Variants in SLC5A7 observed in about 807,000 individuals in gnomAD.
SLC5A7 encodes solute carrier family 5 member 7.
SLC5A7 carries 19 observed loss-of-function variants against 55.4 expected under a neutral mutation model. The observed-to-expected ratio is 0.34, with a 90% CI of 0.24 to 0.50. The LOEUF (loss-of-function observed/expected upper bound fraction) is 0.50, where lower values mean the gene tolerates loss of function less well. Among genes scored for constraint, SLC5A7 ranks in the 20% least tolerant of loss-of-function variants. The pLI is 0.98. For synonymous variants in SLC5A7, 265 were observed against 263.7 expected, an observed-to-expected ratio of 1.00 and a Z score of -0.05; for missense variants, 506 against 705.3, an observed-to-expected ratio of 0.72 and a Z score of 3.20.
intron 6 of SLC5A7, among the ~76,000 whole-genome samples, chr2:108,004,934 A>G (rs1678046224): frequency 6.6e-6 from 1 of 152,206 alleles, no homozygotes; most frequent in Non-Finnish European, 1.5e-5. Flanking sequence ...TTTAATTCCC[A>G]TACAGACCTC....
chr2:108,008,444 G>C, intron 7 of SLC5A7, 21 bp from the exon 8 acceptor site: 1 of 1,597,042 alleles, frequency 6.3e-7, no homozygotes, highest in Non-Finnish European at 8.6e-7. Context: ...GGTTATAATG[G>C]TTGTTGATTC....
chr2:107,998,138 T>C (rs1234405307), intron 5 of SLC5A7, 152 bp downstream of exon 5: 4 of 800,042 alleles, frequency 5.0e-6, no homozygotes, highest in Non-Finnish European at 7.2e-6. Flanking sequence ...TCTCCATAAA[T>C]TAATTAGATG....
chr2:108,007,131 T>G (rs1468381345), intron 7 of SLC5A7, among the ~76,000 whole-genome samples: 14 of 152,190 alleles, frequency 9.2e-5, no homozygotes, highest in Admixed American at 7.2e-4. Context: ...GAGCACTTAA[T>G]GAAAATACAT....
chr2:108,006,302 T>C (rs1177912683), intron 7 of SLC5A7, 100 bp downstream of exon 7: 9 of 1,330,320 alleles, frequency 6.8e-6, no homozygotes, highest in Non-Finnish European at 9.5e-6. Context: ...CATAGTGAAT[T>C]CTTTCTCACC....
chr2:107,988,035 G>A, intron 1 of SLC5A7, 70 bp from the exon 2 acceptor site: 1 of 993,744 alleles, frequency 1.0e-6, no homozygotes, highest in Non-Finnish European at 1.5e-6. Context: ...GAGCCAGCTG[G>A]TTTATTCCTG....
At position 108,011,205 on chromosome 2, in the gene SLC5A7, G is replaced by A. The variant is rs1251690269; in HGVS notation, c.*344G>A. The A allele has an allele frequency of 5.7e-6, 1 of 174,564 alleles. No homozygotes were observed. Among genetic ancestry groups the A allele is most frequent in the African/African-American group, 2.4e-5 (1 of 42,276 alleles). The allele number at this position is 174,564 out of a possible 1,614,324, so 10.8% of individuals were successfully genotyped here. A position where few individuals can be genotyped will look rare whatever the true frequency, so the allele number is the denominator to read the frequency against. On this transcript the variant is annotated 3_prime_UTR_variant, in exon 9 of 9. Coordinates refer to ENST00000264047, the MANE Select transcript of SLC5A7 (RefSeq NM_021815.5). ...AGATGTGAAAAAGCCTAAGAAAAAGGAAATTGGACAGTTTTGATACAAACT... is the reference window on the plus strand; with the variant it reads ...AGATGTGAAAAAGCCTAAGAAAAAGAAAATTGGACAGTTTTGATACAAACT...
chr2:107,988,167 T>C lies in SLC5A7; in HGVS notation c.12T>C (p.His4=). MAF[H]VEGLIAIIVF... ...ATCATTAGATAAAAATGGCTTTCCATGTGGAAGGACTGATAGCTATCATCG... is the reference window on the plus strand; with the variant it reads ...ATCATTAGATAAAAATGGCTTTCCACGTGGAAGGACTGATAGCTATCATCG... Residue 4 remains histidine, a synonymous_variant, in exon 2 of 9, where the codon CAT becomes CAC. Coordinates refer to ENST00000264047, the MANE Select transcript of SLC5A7 (RefSeq NM_021815.5). 1 of 1,612,146 alleles carries C rather than the reference T, an allele frequency of 6.2e-7. No homozygotes were observed. The highest frequency in any genetic ancestry group is 1.7e-4 in the Middle Eastern group (1 of 6,054).
In SLC5A7 at chr2:108,006,057, T is replaced by C; in HGVS notation, c.750T>C (p.Gly250=). 1 of 1,614,090 alleles carries C rather than the reference T, an allele frequency of 6.2e-7. No homozygotes were observed. Among genetic ancestry groups the C allele is most frequent in the Non-Finnish European group, 8.5e-7 (1 of 1,179,958 alleles). The part of the protein sequence containing the change: ...WLDSFLLLML[G]GIPWQAYFQR... ...TTGTGTTTCCCGCACAGATGCTGGGTGGAATCCCATGGCAAGCATACTTTC... is the reference window on the plus strand; with the variant it reads ...TTGTGTTTCCCGCACAGATGCTGGGCGGAATCCCATGGCAAGCATACTTTC... Residue 250 remains glycine (G), a synonymous_variant, in exon 7 of 9, where the codon GGT becomes GGC. Coordinates refer to ENST00000264047, the MANE Select transcript of SLC5A7 (RefSeq NM_021815.5).
At chr2:108,001,763 A>G in intron 5 of SLC5A7, 134 bp from the exon 6 acceptor site, 1 of 819,262 alleles carries the variant, frequency 1.2e-6, no homozygotes. Flanking sequence ...AAAACAGAGA[A>G]CATGATTTCC....
At chr2:108,003,852 T>G (rs1426294293) in intron 6 of SLC5A7, among the ~76,000 whole-genome samples, 1 of 152,190 alleles carries the variant, frequency 6.6e-6, no homozygotes, top group Non-Finnish European at 1.5e-5. Context: ...CAGAATATAA[T>G]TTTTATAATT....
rs559238332 is a variant in SLC5A7, at chr2:107,991,704, C to G, written c.179-402C>G. 2.2e-4 allele frequency among the ~76,000 whole-genome samples: 33 copies of G among 152,200 alleles called. No homozygotes were observed. The South Asian group carries it at 6.4e-3, about 30-fold the overall frequency. ...GCCTTGAAATAAAGAAAATTTACCC[C>G]TTGACCTCAGACTATATTACATATA... On this transcript the variant is annotated intron_variant, in intron 2 of 8. Transcript: ENST00000264047.
At position 108,006,130 on chromosome 2, in the gene SLC5A7, T is replaced by A; in HGVS notation, c.823T>A (p.Phe275Ile). The A allele has an allele frequency of 6.2e-7, 1 of 1,614,160 alleles. No homozygotes were observed. Among genetic ancestry groups the A allele is most frequent in the Non-Finnish European group, 8.5e-7 (1 of 1,180,008 alleles). Residue 275 changes from phenylalanine (F) to isoleucine (I), a missense_variant, in exon 7 of 9, where the codon TTC becomes ATC. Around this residue, in one of 4 missense-constraint regions of SLC5A7, gnomAD observed 309 missense variants for 478.6 expected, o/e 0.65. Transcript: ENST00000264047. ...SSATYAQVLS[F>I]LAAFGCLVMA... ...AGCCACCTATGCTCAAGTGCTGTCC[T>A]TCCTGGCAGCTTTCGGGTGCCTGGT...
chr2:107,998,212 G>A (rs1420468677), intron 5 of SLC5A7, among the ~76,000 whole-genome samples: 1 of 152,120 alleles, frequency 6.6e-6, no homozygotes, highest in African/African-American at 2.4e-5. Flanking sequence ...TGTTAGAAAG[G>A]TCTAGGTCTT....
chr2:108,010,226 T>C lies in SLC5A7; in HGVS notation c.1114-6T>C. 1 of 1,609,344 alleles carries C rather than the reference T, an allele frequency of 6.2e-7. No individual in the cohort carries two copies. Among genetic ancestry groups the C allele is most frequent in the Non-Finnish European group, 8.5e-7 (1 of 1,177,040 alleles). On this transcript the variant is annotated splice_polypyrimidine_tract_variant and splice_region_variant and intron_variant, in intron 8 of 8. Coordinates refer to ENST00000264047, the MANE Select transcript of SLC5A7 (RefSeq NM_021815.5). ...AAAAAGCTGACACTGTGGCAATTTC[T>C]TACAGGCTTCGGACAAAGAAATCGT...
chr2:107,995,456 AGAGAGAGAGAGAGAGT>A (rs1677631030), intron 4 of SLC5A7, among the ~76,000 whole-genome samples: 1 of 124,124 alleles, frequency 8.1e-6, no homozygotes, highest in Admixed American at 9.0e-5. Context: ...AGAGAGAGAG[AGAGAGAGAGAGAGAGT>A]GTGTGTGTGT....
At position 108,001,962 on chromosome 2, in the gene SLC5A7, T is replaced by C; in HGVS notation, c.663T>C (p.His221=). ...AVADIGFTAV[H]AKYQKPWLGT... ...CAGACATCGGGTTCACTGCTGTGCA[T>C]GCCAAATACCAAAAGCCGTGGCTGG... The change falls in exon 6 of 9, where the codon CAT becomes CAC. Residue 221 remains histidine, a synonymous_variant. Transcript: ENST00000264047. 1 of 1,614,230 alleles carries C rather than the reference T, an allele frequency of 6.2e-7. No homozygotes were observed. The highest frequency in any genetic ancestry group is 1.7e-4 in the Middle Eastern group (1 of 6,060).
At chr2:107,991,081 G>A (rs1178692361) in intron 2 of SLC5A7, among the ~76,000 whole-genome samples, 2 of 152,138 alleles carry the variant, frequency 1.3e-5, no homozygotes, top group African/African-American at 4.8e-5. Flanking sequence ...TTTCAGCAAG[G>A]ATTCAATATT....
rs529843911 is a variant in SLC5A7 at position 108,011,821 on chromosome 2, C to T, written c.*960C>T. 6.6e-6 allele frequency: 1 copy of T among 152,188 alleles called. No individual in the cohort carries two copies. Among genetic ancestry groups the T allele is most frequent in the East Asian group, 1.9e-4 (1 of 5,168 alleles). 9.4% of individuals were successfully genotyped at this position (152,188 alleles called of 1,614,324 possible). A position where few individuals can be genotyped will look rare whatever the true frequency, so the allele number is the denominator to read the frequency against. Reference sequence around the variant, plus strand: ...CACACTGCTAAATTTACGTATATTTCATTGAATACTTTATGGGAAGCCTCC... The same window carrying T: ...CACACTGCTAAATTTACGTATATTTTATTGAATACTTTATGGGAAGCCTCC... On this transcript the variant is annotated 3_prime_UTR_variant, in exon 9 of 9. Transcript: ENST00000264047.
In SLC5A7 at chr2:107,988,234, TGGAGA is replaced by T; in HGVS notation, c.80_84del (p.Trp27TyrfsTer45). 6.2e-7 allele frequency: 1 copy of T among 1,614,174 alleles called. No individual in the cohort carries two copies. Among genetic ancestry groups the T allele is most frequent in the Non-Finnish European group, 8.5e-7 (1 of 1,179,988 alleles). ...TTTGCTGGTTGGAATATGGGCTGCCTGGAGAACCAAAAACAGTGGCAGCGCAGAAG... is the reference window on the plus strand; with the variant it reads ...TTTGCTGGTTGGAATATGGGCTGCCTACCAAAAACAGTGGCAGCGCAGAAG... On this transcript the variant is annotated frameshift_variant, in exon 2 of 9. Transcript: ENST00000264047. LOFTEE classifies it high-confidence loss of function.
Sources: gnomAD v4.1 joint callset for allele counts (sites outside exome capture counted in the v4.1 genomes callset) on GRCh38, gnomAD v4.1.1 for gene constraint, gnomAD v4.1.1 regional missense constraint, MANE v1.5 for transcripts, NCBI Gene and HGNC (gene_info 2026-07-23, HGNC 2026-07-21) for gene names.